Variants in LPO observed in about 807,000 individuals in gnomAD.
LPO encodes salivary peroxidase.
In LPO, 70 loss-of-function variants were observed where a neutral mutation model predicts 68.4. The observed-to-expected ratio is 1.02, with a 90% CI of 0.84 to 1.25. The LOEUF (loss-of-function observed/expected upper bound fraction) is 1.25, where lower values mean the gene tolerates loss of function less well. Ranked by LOEUF, LPO falls within the 50% of genes most tolerant of loss-of-function variation. LPO has a pLI of 0.00. For missense variants in LPO, 873 were observed against 908.4 expected (o/e 0.96, Z 0.50); for synonymous variants, 360 against 357.6 (o/e 1.01, Z -0.08).
rs754451021 is a variant in LPO, at chr17:58,264,932, C to T, written c.1477C>T (p.Leu493Phe). The change falls in exon 10 of 13, where the codon CTC (leucine) becomes TTC (phenylalanine). Residue 493 changes from leucine to phenylalanine, a missense_variant. Physicochemically the swap from Leu to Phe is conservative, Grantham distance 22 (BLOSUM62 0). Transcript: ENST00000262290. Reference sequence around the variant, plus strand: ...ATGGGGGCCAGAACCAGAACTCCCCCTCCACACCCTCTTCTTCAACACTTG... The same window carrying T: ...ATGGGGGCCAGAACCAGAACTCCCCTTCCACACCCTCTTCTTCAACACTTG... ...QPWGPEPELP[L>F]HTLFFNTWRM... 2.5e-6 allele frequency: 4 copies of T among 1,614,104 alleles called. No individual in the cohort carries two copies. The South Asian group carries it at 3.3e-5, about 13-fold the overall frequency.
rs1969904780 is a variant in LPO, at chr17:58,249,040, T to C, written c.326-20T>C. On this transcript the variant is annotated intron_variant, in intron 4 of 12. Transcript: ENST00000262290. ...GAATGGAGAAAGAACTCAGTCCCTT[T>C]GGGGTCCCTTCTGTTTCAGATCCCA... The C allele has an allele frequency of 6.3e-7, 1 of 1,592,790 alleles. No homozygotes were observed. Among genetic ancestry groups the C allele is most frequent in the Non-Finnish European group, 8.6e-7 (1 of 1,160,506 alleles).
chr17:58,244,345 G>A, intron 3 of LPO: 4 of 465,886 alleles, frequency 8.6e-6, no homozygotes, highest in Admixed American at 3.7e-5. Flanking sequence ...TTTCTTCCAC[G>A]TGGCCCAATG....
intron 6 of LPO, 85 bp from the exon 7 acceptor site, chr17:58,250,330 A>G: frequency 9.8e-7 from 1 of 1,018,038 alleles, no homozygotes; most frequent in Non-Finnish European, 1.6e-6. Context: ...GTAACATGGT[A>G]GGTAGTTAAT....
chr17:58,254,705 G>A (rs1022773535), intron 8 of LPO, 106 bp from the exon 9 acceptor site: 3 of 1,103,256 alleles, frequency 2.7e-6, no homozygotes, highest in South Asian at 1.6e-5. Flanking sequence ...TGACGGGGCG[G>A]GGGGGGCGGG....
chr17:58,264,226 T>C (rs1970219685), intron 9 of LPO, among the ~76,000 whole-genome samples: 1 of 152,256 alleles, frequency 6.6e-6, no homozygotes, highest in African/African-American at 2.4e-5. Flanking sequence ...GAAAATTTTT[T>C]ATTTGTGTTA....
chr17:58,264,470 G>A (rs1970223198), intron 9 of LPO, among the ~76,000 whole-genome samples: 1 of 152,170 alleles, frequency 6.6e-6, no homozygotes, highest in Admixed American at 6.5e-5. Context: ...CGTTTCATAT[G>A]CCAAATTCAA....
intron 4 of LPO, among the ~76,000 whole-genome samples, chr17:58,248,028 T>C (rs958870021): frequency 3.3e-5 from 5 of 151,998 alleles, no homozygotes; most frequent in African/African-American, 1.2e-4. Flanking sequence ...AAGCCACATG[T>C]GTCAGGGGGA....
Position 58,254,214 on chromosome 17 carries a change from C to A in LPO, c.1106-597C>A, listed in dbSNP as rs1165017066. Among the ~76,000 whole-genome samples the A allele has an allele frequency of 2.0e-5, 3 of 149,478 alleles. 1 individual carries two copies. Among genetic ancestry groups the A allele is most frequent in the Admixed American group, 2.0e-4 (3 of 15,034 alleles). On this transcript the variant is annotated intron_variant, in intron 8 of 12. Coordinates refer to ENST00000262290, the MANE Select transcript of LPO (RefSeq NM_006151.3). The stretch of plus-strand genomic sequence containing the variant: ...ATAGACTCTCCTAAAGATTAGAGGG[C>A]ACAGGGAGAAGTCCTTTATCCCCTT...
chr17:58,250,890 T>A (rs8178340), intron 7 of LPO: 31,954 of 474,346 alleles, frequency 0.067, 1,364 homozygotes, highest in East Asian at 0.13. Flanking sequence ...AGTGTGGGAA[T>A]TGGACAAGTA....
At chr17:58,244,369 T>C in intron 3 of LPO, 1 of 433,342 alleles carries the variant, frequency 2.3e-6, no homozygotes, top group Non-Finnish European at 4.1e-6. Flanking sequence ...CCTTGGGCCA[T>C]GCATTCCAGA....
At chr17:58,263,895 C>G (rs12453852) in intron 9 of LPO, among the ~76,000 whole-genome samples, 190 of 152,288 alleles carry the variant, frequency 1.2e-3, no homozygotes, top group Middle Eastern at 3.4e-3. Flanking sequence ...TGTTTGGGGG[C>G]TTCCCACTCA....
intron 9 of LPO, among the ~76,000 whole-genome samples, chr17:58,258,620 T>C (rs1241658722): frequency 6.6e-6 from 1 of 152,256 alleles, no homozygotes; most frequent in East Asian, 1.9e-4. Flanking sequence ...CTTTGGCTAC[T>C]CTGAGTCTTC....
Position 58,256,612 on chromosome 17 carries a change from G to A in LPO, c.1266+1641G>A, listed in dbSNP as rs184567776. On this transcript the variant is annotated intron_variant, in intron 9 of 12. Transcript: ENST00000262290. ...GAGCAGATCATAAGGTCAAGAGATC[G>A]AGACCATCCCGGCCAACATGGTGAA... Among the ~76,000 whole-genome samples the A allele has an allele frequency of 3.9e-5, 6 of 151,958 alleles. 1 individual carries two copies. Among genetic ancestry groups the A allele is most frequent in the Admixed American group, 1.3e-4 (2 of 15,258 alleles).
At chr17:58,258,963 A>G (rs1970124336) in intron 9 of LPO, among the ~76,000 whole-genome samples, 1 of 152,048 alleles carries the variant, frequency 6.6e-6, no homozygotes, top group Non-Finnish European at 1.5e-5. Context: ...TACGTATTCT[A>G]GACACAAGTC....
At chr17:58,239,623 C>A (rs1969717760) in intron 1 of LPO, among the ~76,000 whole-genome samples, 1 of 152,094 alleles carries the variant, frequency 6.6e-6, no homozygotes, top group African/African-American at 2.4e-5. Context: ...GGAAGAGAAT[C>A]TCACTGACTT....
intron 7 of LPO, 94 bp downstream of exon 7, chr17:58,250,715 T>A (rs1414047902): frequency 4.7e-6 from 6 of 1,282,762 alleles, no homozygotes; most frequent in African/African-American, 1.5e-5. Context: ...TCTGGATAGA[T>A]CTGGGATACT....
chr17:58,254,739 A>T, intron 8 of LPO, 72 bp from the exon 9 acceptor site: 2 of 1,528,868 alleles, frequency 1.3e-6, no homozygotes. Context: ...GGGCACCATC[A>T]TTTCTTTGTG....
chr17:58,267,629 T>C, intron 12 of LPO, 43 bp downstream of exon 12: 3 of 1,540,270 alleles, frequency 1.9e-6, no homozygotes, highest in Non-Finnish European at 2.7e-6. Context: ...AGGGCCCTTC[T>C]CCAAGAGGGG....
Position 58,252,236 on chromosome 17 carries a change from C to T in LPO, c.835C>T (p.Arg279Ter), listed in dbSNP as rs771733472. 12 of 1,614,000 alleles carry T rather than the reference C, an allele frequency of 7.4e-6. No homozygotes were observed. The highest frequency in any genetic ancestry group is 4.5e-5 in the East Asian group (2 of 44,894). Residue 279 changes from arginine to a stop codon, truncating the protein, a stop_gained, in exon 8 of 13, where the codon CGA (arginine) becomes TGA (stop). Coordinates refer to ENST00000262290, the MANE Select transcript of LPO (RefSeq NM_006151.3). LOFTEE classifies it high-confidence loss of function. ...TCAAGGGAAATGCATGCCTTTCTTC[C>T]GAGCTGGGTTCGTCTGCCCCACTCC... ...GTQGKCMPFF[R>*]AGFVCPTPPY...
Sources: gnomAD v4.1 joint callset for allele counts (sites outside exome capture counted in the v4.1 genomes callset) on GRCh38, gnomAD v4.1.1 for gene constraint, MANE v1.5 for transcripts, NCBI Gene and HGNC (gene_info 2026-07-23, HGNC 2026-07-21) for gene names.